Variants in LRRC7 observed in about 807,000 individuals in gnomAD.
The protein encoded by LRRC7 is leucine rich repeat containing 7.
LRRC7 carries 23 observed loss-of-function variants against 175.7 expected under a neutral mutation model. That is an observed-to-expected ratio of 0.13 (90% CI 0.09 to 0.19). The LOEUF (loss-of-function observed/expected upper bound fraction) is 0.19, where lower values mean the gene tolerates loss of function less well. LRRC7 is among the 10% of genes least tolerant of loss of function. LRRC7 has a pLI of 1.00. For synonymous variants in LRRC7, 685 were observed against 680.9 expected, an observed-to-expected ratio of 1.01 and a Z score of -0.09; for missense variants, 1,354 against 1,904.7, an observed-to-expected ratio of 0.71 and a Z score of 5.38.
intron 1 of LRRC7, among the ~76,000 whole-genome samples, chr1:69,634,158 G>C (rs752663992): frequency 1.1e-4 from 17 of 151,832 alleles, no homozygotes; most frequent in Non-Finnish European, 1.8e-4. Context: ...TTTTATAATA[G>C]TCCAACTAGA....
intron 7 of LRRC7, among the ~76,000 whole-genome samples, chr1:69,853,010 G>C (rs1267385974): frequency 6.6e-6 from 1 of 152,030 alleles, no homozygotes; most frequent in Non-Finnish European, 1.5e-5. Flanking sequence ...AGCTTCTGTA[G>C]CATACTAAAT....
At chr1:69,650,551 A>AAAAAAAAAAAAAAAAAAAAAAAAGAC (rs1248012643) in intron 1 of LRRC7, among the ~76,000 whole-genome samples, 1 of 151,172 alleles carries the variant, frequency 6.6e-6, no homozygotes, top group Non-Finnish European at 1.5e-5. Flanking sequence ...AAAAAAAAAA[A>AAAAAAAAAAAAAAAAAAAAAAAAGAC]AAATGCCAAG....
At chr1:70,105,754 T>G (rs1223746611) in intron 25 of LRRC7, among the ~76,000 whole-genome samples, 1 of 152,212 alleles carries the variant, frequency 6.6e-6, no homozygotes, top group African/African-American at 2.4e-5. Context: ...ACATGTATAT[T>G]GCATATTTGT....
At chr1:69,569,484 G>C (rs978116780) in intron 1 of LRRC7, among the ~76,000 whole-genome samples, 2 of 151,966 alleles carry the variant, frequency 1.3e-5, no homozygotes, top group Non-Finnish European at 2.9e-5. Context: ...GAAAGAGGGA[G>C]GGAAGCACAT....
intron 7 of LRRC7, among the ~76,000 whole-genome samples, chr1:69,885,366 T>A (rs1687073066): frequency 6.8e-6 from 1 of 146,920 alleles, no homozygotes; most frequent in Non-Finnish European, 1.5e-5. Context: ...TTTCGAGGAA[T>A]TTATCCATTT....
At chr1:69,655,314 G>A (rs17131007) in intron 1 of LRRC7, among the ~76,000 whole-genome samples, 39,350 of 151,840 alleles carry the variant, frequency 0.26, 5,802 homozygotes, top group South Asian at 0.41. Context: ...CCACGTAGGC[G>A]GCTGATGAGA....
intron 17 of LRRC7, among the ~76,000 whole-genome samples, chr1:70,024,143 TAA>T (rs974147879): frequency 2.0e-5 from 3 of 152,156 alleles, no homozygotes; most frequent in East Asian, 1.9e-4. Context: ...AAAATTGCTA[TAA>T]GTTTCTTTTC....
intron 7 of LRRC7, among the ~76,000 whole-genome samples, chr1:69,884,769 T>C (rs1686996649): frequency 1.4e-5 from 2 of 147,376 alleles, no homozygotes; most frequent in South Asian, 4.3e-4. Flanking sequence ...AGGTAGCTCT[T>C]ATTATTTTGA....
chr1:70,000,587 C>T (rs540467745), intron 11 of LRRC7, among the ~76,000 whole-genome samples: 2 of 152,308 alleles, frequency 1.3e-5, no homozygotes, highest in South Asian at 4.1e-4. Flanking sequence ...AGGCTTCAGC[C>T]ACACTGGCCC....
intron 1 of LRRC7, among the ~76,000 whole-genome samples, chr1:69,623,549 C>CTT (rs35199111): frequency 0.059 from 8,025 of 136,552 alleles, 420 homozygotes; most frequent in East Asian, 0.21. Flanking sequence ...AAAAGACATA[C>CTT]TTTTTTTTTT....
intron 2 of LRRC7, among the ~76,000 whole-genome samples, chr1:69,725,409 A>T (rs1430947261): frequency 6.6e-6 from 1 of 152,194 alleles, no homozygotes; most frequent in Non-Finnish European, 1.5e-5. Context: ...TATCCTACTG[A>T]AAGTATATCA....
At chr1:70,078,822 ACG>A (rs1553200894) in intron 24 of LRRC7, among the ~76,000 whole-genome samples, 3,325 of 111,734 alleles carry the variant, frequency 0.03, 70 homozygotes, top group African/African-American at 0.086. Flanking sequence ...ACACACACAC[ACG>A]CACACACACA....
At chr1:69,824,246 C>T (rs775104399) in intron 4 of LRRC7, among the ~76,000 whole-genome samples, 5 of 152,042 alleles carry the variant, frequency 3.3e-5, no homozygotes, top group Middle Eastern at 6.8e-3. Context: ...AAAAGCTAAA[C>T]GGAGAAAAGG....
intron 1 of LRRC7, among the ~76,000 whole-genome samples, chr1:69,591,542 G>A (rs181911115): frequency 1.9e-4 from 29 of 152,052 alleles, no homozygotes; most frequent in Middle Eastern, 3.4e-3. Flanking sequence ...GATAGCTTCC[G>A]TGATGGATTT....
At chr1:69,673,456 C>G (rs1659377089) in intron 1 of LRRC7, among the ~76,000 whole-genome samples, 1 of 152,186 alleles carries the variant, frequency 6.6e-6, no homozygotes, top group African/African-American at 2.4e-5. Context: ...TACATTTAAT[C>G]TCTCTTTGCT....
intron 2 of LRRC7, among the ~76,000 whole-genome samples, chr1:69,704,543 A>T (rs34768080): frequency 6.6e-6 from 1 of 151,802 alleles, no homozygotes; most frequent in Admixed American, 6.6e-5. Context: ...ACAATTTTTA[A>T]TTTTTATTTC....
chr1:69,801,306 G>A (rs745358097), intron 4 of LRRC7, among the ~76,000 whole-genome samples: 1 of 151,694 alleles, frequency 6.6e-6, no homozygotes, highest in South Asian at 2.1e-4. Context: ...GTTCTTCTTT[G>A]TAGGTTTGGA....
At chr1:69,916,068 A>ATATATATTATATATATTATATACATATTT (rs1646682414) in intron 7 of LRRC7, among the ~76,000 whole-genome samples, 1 of 112,954 alleles carries the variant, frequency 8.9e-6, no homozygotes. Context: ...TGTATATTTT[A>ATATATATTATATATATTATATACATATTT]TATATATAAT....
chr1:70,039,410 G>A lies in LRRC7; in HGVS notation c.3586G>A (p.Val1196Ile), dbSNP rs921438582. The change falls in exon 21 of 27, where the codon GTT (valine) becomes ATT (isoleucine). Residue 1196 changes from valine to isoleucine, a missense_variant. Physicochemically the swap from Val to Ile is conservative, Grantham distance 29. Transcript: ENST00000651989. ...YRGGLDRQSS[V>I]TVTESQFLKR... ...GGGAGGGCTGGATCGCCAAAGCAGC[G>A]TTACAGTGACTGAGTCCCAGTTCCT... is the stretch of plus-strand genomic sequence containing the variant. The A allele has an allele frequency of 9.9e-6, 16 of 1,614,100 alleles. No homozygotes were observed. The highest frequency in any genetic ancestry group is 4.5e-5 in the East Asian group (2 of 44,850).
Sources: allele counts gnomAD v4.1 joint callset (sites outside exome capture counted in the v4.1 genomes callset), GRCh38; gene constraint gnomAD v4.1.1; transcripts MANE v1.5; gene names NCBI Gene and HGNC (gene_info 2026-07-23, HGNC 2026-07-21).